Variants in IDO2 observed in about 807,000 individuals in gnomAD.
IDO2 encodes indoleamine 2,3-dioxygenase 2.
A neutral mutation model predicts 45.1 loss-of-function variants in IDO2; 46 were observed. The ratio of observed to expected loss-of-function variants is 1.02; its 90% CI spans 0.80 to 1.30. The LOEUF (loss-of-function observed/expected upper bound fraction) is 1.30, where lower values mean the gene tolerates loss of function less well. Among genes scored for constraint, IDO2 ranks in the 50% most tolerant of loss-of-function variants. IDO2 has a pLI of 0.00. For missense variants in IDO2, 544 were observed against 491.8 expected, an observed-to-expected ratio of 1.11 and a Z score of -1.00; for synonymous variants, 218 against 184.9, an observed-to-expected ratio of 1.18 and a Z score of -1.45.
chr8:39,969,098 C>T (rs1019446888), intron 3 of IDO2, among the ~76,000 whole-genome samples: 3 of 152,116 alleles, frequency 2.0e-5, no homozygotes, highest in Non-Finnish European at 2.9e-5. Context: ...TCATGGGGTG[C>T]GGGTGAACAG....
chr8:39,989,523 C>G (rs556324995), intron 7 of IDO2, among the ~76,000 whole-genome samples, 198 bp from the exon 8 acceptor site: 1 of 152,224 alleles, frequency 6.6e-6, no homozygotes, highest in African/African-American at 2.4e-5. Context: ...AAACACTTAC[C>G]TAGGGGTCTG....
intron 6 of IDO2, chr8:39,986,403 A>T (rs1276511887): frequency 2.0e-5 from 3 of 152,160 alleles, no homozygotes; most frequent in Non-Finnish European, 4.4e-5. Flanking sequence ...AACTGGGCAG[A>T]TGGGGGCACA....
chr8:39,971,958 G>C (rs1808186204), intron 3 of IDO2, among the ~76,000 whole-genome samples: 1 of 152,114 alleles, frequency 6.6e-6, no homozygotes, highest in African/African-American at 2.4e-5. Context: ...ATAGGTGCCT[G>C]CCACCATGCC....
exon 11 of IDO2, chr8:40,015,444 A>G: frequency 6.2e-7 from 1 of 1,613,778 alleles, no homozygotes; most frequent in South Asian, 1.1e-5. Flanking sequence ...CAAATACCTC[A>G]TCACAGCTGC....
intron 1 of IDO2, among the ~76,000 whole-genome samples, chr8:39,941,958 A>G (rs2129593011): frequency 6.6e-6 from 1 of 152,156 alleles, no homozygotes; most frequent in Middle Eastern, 3.4e-3. Context: ...GCATGGTGGT[A>G]CACACCTGTA....
intron 1 of IDO2, among the ~76,000 whole-genome samples, chr8:39,943,722 CGA>C (rs1056408034): frequency 2.4e-5 from 3 of 126,190 alleles, no homozygotes; most frequent in African/African-American, 9.1e-5. Context: ...TGGGCGACAG[CGA>C]GACTCCATCT....
At chr8:39,963,866 TC>T (rs1197384286) in intron 3 of IDO2, among the ~76,000 whole-genome samples, 163 bp downstream of exon 3, 1 of 152,188 alleles carries the variant, frequency 6.6e-6, no homozygotes, top group Non-Finnish European at 1.5e-5. Context: ...AATGACCCCT[TC>T]GTAATCTGAT....
chr8:39,938,929 C>G (rs1807597861), intron 1 of IDO2, among the ~76,000 whole-genome samples: 1 of 152,174 alleles, frequency 6.6e-6, no homozygotes, highest in Non-Finnish European at 1.5e-5. Flanking sequence ...TGACAGCACT[C>G]TCAGTGCTGG....
chr8:39,968,386 A>G (rs1254755971), intron 3 of IDO2, among the ~76,000 whole-genome samples: 1 of 152,180 alleles, frequency 6.6e-6, no homozygotes, highest in Non-Finnish European at 1.5e-5. Flanking sequence ...TGCAAAGGTA[A>G]TATATAGGGG....
At position 39,958,095 on chromosome 8, in the gene IDO2, C is replaced by T. The variant is rs185933052; in HGVS notation, c.100-5513C>T. 1.4e-3 allele frequency among the ~76,000 whole-genome samples: 209 copies of T among 151,970 alleles called. 5 individuals carry two copies. The East Asian group carries it at 0.036, about 26-fold the overall frequency. On this transcript the variant is annotated intron_variant, in intron 2 of 10. Coordinates refer to ENST00000502986, the Ensembl canonical transcript of IDO2. ...TCATTTTTTGTATTTCTACTAGAGA[C>T]GTGGTTTCACCGTGTTAGCCAGGAT... is the stretch of plus-strand genomic sequence containing the variant.
At chr8:39,994,682 CCTACGGTTCAGCCTGAATCTGGGAAA>C (rs1802003529) in intron 8 of IDO2, among the ~76,000 whole-genome samples, 1 of 46,636 alleles carries the variant, frequency 2.1e-5, no homozygotes, top group Non-Finnish European at 6.0e-5. Flanking sequence ...GGAAATTGTT[CCTACGGTTCAGCCTGAATCTGGGAAA>C]TTGTTCCTAC....
chr8:39,958,591 T>C (rs1373264306), intron 2 of IDO2, among the ~76,000 whole-genome samples: 2 of 152,148 alleles, frequency 1.3e-5, no homozygotes, highest in East Asian at 1.9e-4. Context: ...GCTGAGATTA[T>C]AGGCTCGTGT....
At chr8:39,962,672 T>A (rs1378891228) in intron 2 of IDO2, among the ~76,000 whole-genome samples, 1 of 152,074 alleles carries the variant, frequency 6.6e-6, no homozygotes, top group East Asian at 1.9e-4. Context: ...ACCAGCAGTC[T>A]CCCACCTCAC....
intron 3 of IDO2, among the ~76,000 whole-genome samples, chr8:39,973,438 C>T (rs1468962): frequency 0.66 from 100,869 of 151,900 alleles, 33,672 homozygotes; most frequent in South Asian, 0.75. Context: ...CTTGAAGAAA[C>T]AGCTGATAAT....
chr8:40,005,051 G>A (rs935258080), intron 8 of IDO2, among the ~76,000 whole-genome samples: 16 of 152,086 alleles, frequency 1.1e-4, no homozygotes, highest in Non-Finnish European at 2.1e-4. Flanking sequence ...TTAAAAGATG[G>A]CCTTGTTCTC....
chr8:39,979,104 G>C, exon 4 of IDO2: 1 of 1,600,282 alleles, frequency 6.2e-7, no homozygotes, highest in Non-Finnish European at 8.5e-7. Context: ...AAGGGTCACC[G>C]GGAGCAGCGC....
chr8:39,962,204 T>C (rs899210235), intron 2 of IDO2, among the ~76,000 whole-genome samples: 2 of 152,218 alleles, frequency 1.3e-5, no homozygotes, highest in Non-Finnish European at 1.5e-5. Context: ...AATGGAGCTA[T>C]TGGGCTAGTG....
At chr8:40,008,836 CT>C (rs1477657195) in intron 9 of IDO2, among the ~76,000 whole-genome samples, 1 of 152,168 alleles carries the variant, frequency 6.6e-6, no homozygotes, top group Non-Finnish European at 1.5e-5. Flanking sequence ...GTTTCTTACC[CT>C]CAAAATATTT....
At chr8:39,955,051 C>A (rs1480022871) in intron 2 of IDO2, among the ~76,000 whole-genome samples, 1 of 151,126 alleles carries the variant, frequency 6.6e-6, no homozygotes, top group African/African-American at 2.4e-5. Flanking sequence ...CAATGTACCT[C>A]CTTCAAGGGC....
Sources: allele counts gnomAD v4.1 joint callset (sites outside exome capture counted in the v4.1 genomes callset), GRCh38; gene constraint gnomAD v4.1.1; transcripts MANE v1.5; gene names NCBI Gene and HGNC (gene_info 2026-07-23, HGNC 2026-07-21).